Variants in PRR29 observed in about 807,000 individuals in gnomAD.
PRR29 encodes the protein proline-rich protein 29.
Under a neutral mutation model 25.1 loss-of-function variants are expected in PRR29, and 20 were observed. That is an observed-to-expected ratio of 0.80 (90% CI 0.56 to 1.16). The LOEUF is 1.16. Among genes scored for constraint, PRR29 ranks in the 50% most tolerant of loss-of-function variants. PRR29 has a pLI of 0.00. For synonymous variants in PRR29, 108 were observed against 102.6 expected (o/e 1.05, Z -0.32); for missense variants, 238 against 246.6 (o/e 0.97, Z 0.23).
At position 64,003,690 on chromosome 17, in the gene PRR29, G is replaced by A. The variant is rs1910979573; in HGVS notation, c.*1929G>A. On this transcript the variant is annotated 3_prime_UTR_variant, in exon 6 of 6. Coordinates refer to ENST00000412177, the MANE Select transcript of PRR29 (RefSeq NM_001164257.2). ...GGGCTGAGTGTTTGTGAAAGATGTT[G>A]CCACCGCGAGACATCAAGTCCAGCA... The A allele has an allele frequency of 4.3e-6, 7 of 1,614,160 alleles. No homozygotes were observed. Among genetic ancestry groups the A allele is most frequent in the Non-Finnish European group, 5.1e-6 (6 of 1,180,034 alleles).
At chr17:64,000,988 A>G (rs1407164183) in intron 3 of PRR29, 96 bp from the exon 4 acceptor site, 1 of 1,068,572 alleles carries the variant, frequency 9.4e-7, no homozygotes, top group Non-Finnish European at 1.4e-6. Context: ...TACAAAGCCT[A>G]TCTGGAGGAA....
At chr17:63,999,439 G>A (rs992638035) in intron 3 of PRR29, 4 of 305,430 alleles carry the variant, frequency 1.3e-5, no homozygotes, top group Admixed American at 4.8e-5. Context: ...TTTGTTGAAC[G>A]AGTGAATGAA....
In PRR29 at chr17:64,003,335, A is replaced by G. The variant is rs544093637; in HGVS notation, c.*1574A>G. ...GTCACCAAGCAGCAGAGCTCTGGGGACCTCAGTGGGGGCAGTCAGGCCAAA... is the reference window on the plus strand; with the variant it reads ...GTCACCAAGCAGCAGAGCTCTGGGGGCCTCAGTGGGGGCAGTCAGGCCAAA... On this transcript the variant is annotated 3_prime_UTR_variant, in exon 6 of 6. Transcript: ENST00000412177. 1.5e-5 allele frequency: 7 copies of G among 461,948 alleles called. No homozygotes were observed. Among genetic ancestry groups the G allele is most frequent in the African/African-American group, 9.8e-5 (5 of 51,116 alleles). The allele number at this position is 461,948 out of a possible 1,614,324, so 28.6% of individuals were successfully genotyped here.
At chr17:64,000,455 G>A (rs957664331) in intron 3 of PRR29, among the ~76,000 whole-genome samples, 6 of 151,832 alleles carry the variant, frequency 4.0e-5, no homozygotes, top group African/African-American at 1.2e-4. Flanking sequence ...CCAGCCTCCC[G>A]AGTAGCTGGG....
chr17:64,001,510 G>A lies in PRR29; in HGVS notation c.514G>A (p.Val172Met). 6.6e-7 allele frequency: 1 copy of A among 1,516,552 alleles called. No individual in the cohort carries two copies. The allele number at this position is 1,516,552 out of a possible 1,614,324, so 93.9% of individuals were successfully genotyped here. A position where few individuals can be genotyped will look rare whatever the true frequency, so the allele number is the denominator to read the frequency against. The stretch of plus-strand genomic sequence containing the variant: ...CCCACCCCCCAGTGCCACAGGGACT[G>A]TGGGTGCTGATGTACCCCCGGCTTC... ...PPPPPSATGT[V>M]GADVPPASDY... The change falls in exon 5 of 6, where the codon GTG (valine) becomes ATG (methionine). Residue 172 changes from valine to methionine, a missense_variant. By Grantham distance (21) the Val-to-Met change is conservative. Coordinates refer to ENST00000412177, the MANE Select transcript of PRR29 (RefSeq NM_001164257.2).
chr17:64,000,910 C>T (rs563992694), intron 3 of PRR29, 174 bp from the exon 4 acceptor site: 11 of 620,994 alleles, frequency 1.8e-5, no homozygotes, highest in African/African-American at 1.6e-4. Flanking sequence ...TTGTGATCCG[C>T]CCGCCTCGGC....
chr17:63,998,510 A>G, intron 1 of PRR29, 86 bp downstream of exon 1: 1 of 1,368,900 alleles, frequency 7.3e-7, no homozygotes, highest in Non-Finnish European at 9.7e-7. Flanking sequence ...CAGATCCTGG[A>G]GGGGTGGGGG....
rs1910833997 is a variant in PRR29, at chr17:64,002,397, C to A, written c.*636C>A. On this transcript the variant is annotated 3_prime_UTR_variant, in exon 6 of 6. Transcript: ENST00000412177. ...GGTGGGAACAGTGTGTCCTCTGCCCCCTGGGCCAGGGTGTGTTTCCCCCAC... is the reference window on the plus strand; with the variant it reads ...GGTGGGAACAGTGTGTCCTCTGCCCACTGGGCCAGGGTGTGTTTCCCCCAC... 5.0e-6 allele frequency: 2 copies of A among 401,494 alleles called. No individual in the cohort carries two copies. The highest frequency in any genetic ancestry group is 7.7e-5 in the Admixed American group (2 of 25,900). 24.9% of individuals were successfully genotyped at this position (401,494 alleles called of 1,614,324 possible). A position where few individuals can be genotyped will look rare whatever the true frequency, so the allele number is the denominator to read the frequency against.
rs1910364373 is a variant in PRR29, at chr17:63,999,016, T to G, written c.185T>G (p.Leu62Arg). ...CAGAACGCGCAGATGCACCAGCTGC[T>G]GCTGAGTCGCCTGGTGGCTGGAGCG... ...MLQNAQMHQL[L>R]LSRLVAGALQ... The change falls in exon 3 of 6, where the codon CTG (leucine) becomes CGG (arginine). Residue 62 changes from leucine to arginine, a missense_variant. Leu to Arg is a moderately radical substitution (Grantham distance 102). Coordinates refer to ENST00000412177, the MANE Select transcript of PRR29 (RefSeq NM_001164257.2). 6.5e-7 allele frequency: 1 copy of G among 1,536,020 alleles called. No individual in the cohort carries two copies. Among genetic ancestry groups the G allele is most frequent in the African/African-American group, 1.4e-5 (1 of 73,024 alleles).
chr17:64,002,090 T>C lies in PRR29; in HGVS notation c.*329T>C. On this transcript the variant is annotated 3_prime_UTR_variant, in exon 6 of 6. Coordinates refer to ENST00000412177, the MANE Select transcript of PRR29 (RefSeq NM_001164257.2). ...GAACAGAGCCCCCACCCTCTCTCCC[T>C]CACCCCTCTCTCTGGGATGATGAGG... 1.7e-6 allele frequency: 2 copies of C among 1,176,798 alleles called. No homozygotes were observed. Among genetic ancestry groups the C allele is most frequent in the Non-Finnish European group, 2.4e-6 (2 of 847,974 alleles). The allele number at this position is 1,176,798 out of a possible 1,614,324, so 72.9% of individuals were successfully genotyped here.
In PRR29 at chr17:64,002,302, G is replaced by GGGATGCTGC; in HGVS notation, c.*541_*542insGGATGCTGC. ...ACCCCTCATCCCAGGAAGCAGCTCTGTTGGCAGAAAGGAGAGGTCAGAGCT... is the reference window on the plus strand; with the variant it reads ...ACCCCTCATCCCAGGAAGCAGCTCTGGGATGCTGCTTGGCAGAAAGGAGAGGTCAGAGCT... On this transcript the variant is annotated 3_prime_UTR_variant, in exon 6 of 6. Transcript: ENST00000412177. 1 of 472,628 alleles carries GGGATGCTGC rather than the reference G, an allele frequency of 2.1e-6. No homozygotes were observed. Among genetic ancestry groups the GGGATGCTGC allele is most frequent in the South Asian group, 2.4e-5 (1 of 41,732 alleles). The allele number at this position is 472,628 out of a possible 1,614,324, so 29.3% of individuals were successfully genotyped here. A position where few individuals can be genotyped will look rare whatever the true frequency, so the allele number is the denominator to read the frequency against.
Position 64,003,558 on chromosome 17 carries a change from TC to T in PRR29, c.*1800del. ...AAGGGTGGGCTCCTGGGTGTTTGCT[TC>T]CCAAGTGGGACTCAAGATTTTTCTT... is the stretch of plus-strand genomic sequence containing the variant. On this transcript the variant is annotated 3_prime_UTR_variant, in exon 6 of 6. Transcript: ENST00000412177. 1.6e-6 allele frequency: 2 copies of T among 1,275,894 alleles called. No individual in the cohort carries two copies. Among genetic ancestry groups the T allele is most frequent in the Non-Finnish European group, 2.2e-6 (2 of 899,656 alleles). The allele number at this position is 1,275,894 out of a possible 1,614,324, so 79.0% of individuals were successfully genotyped here.
intron 1 of PRR29, 104 bp from the exon 2 acceptor site, chr17:63,998,602 GC>G: frequency 9.7e-7 from 1 of 1,034,750 alleles, no homozygotes; most frequent in Non-Finnish European, 1.4e-6. Context: ...AGAGAACCTG[GC>G]CCCTGCGGGG....
At chr17:64,000,996 G>A (rs1027849775) in intron 3 of PRR29, 88 bp from the exon 4 acceptor site, 18 of 1,143,042 alleles carry the variant, frequency 1.6e-5, no homozygotes, top group Non-Finnish European at 2.3e-5. Context: ...CTATCTGGAG[G>A]AAATAACTTA....
rs780672587 is a variant in PRR29 at position 64,003,601 on chromosome 17, A to G, written c.*1840A>G. ...ATTTTTCTTCCCCCGAGGGGCTGAA[A>G]GTGACTTATCACTCCCAACTCCATC... On this transcript the variant is annotated 3_prime_UTR_variant, in exon 6 of 6. Coordinates refer to ENST00000412177, the MANE Select transcript of PRR29 (RefSeq NM_001164257.2). 6.4e-7 allele frequency: 1 copy of G among 1,566,566 alleles called. No homozygotes were observed.
chr17:64,002,615 C>A lies in PRR29; in HGVS notation c.*854C>A. The A allele has an allele frequency of 1.3e-6, 1 of 781,214 alleles. No individual in the cohort carries two copies. Among genetic ancestry groups the A allele is most frequent in the Non-Finnish European group, 2.0e-6 (1 of 493,492 alleles). 48.4% of individuals were successfully genotyped at this position (781,214 alleles called of 1,614,324 possible). ...AGGGCTAAGTCCAGGTGTTTGTATTCGGGCTAGAAAAGGCAATGTCCCAAG... is the reference window on the plus strand; with the variant it reads ...AGGGCTAAGTCCAGGTGTTTGTATTAGGGCTAGAAAAGGCAATGTCCCAAG... On this transcript the variant is annotated 3_prime_UTR_variant, in exon 6 of 6. Transcript: ENST00000412177.
chr17:64,003,421 G>T lies in PRR29; in HGVS notation c.*1660G>T, dbSNP rs1910946842. 1 of 573,868 alleles carries T rather than the reference G, an allele frequency of 1.7e-6. No homozygotes were observed. Among genetic ancestry groups the T allele is most frequent in the Non-Finnish European group, 3.1e-6 (1 of 321,986 alleles). The allele number at this position is 573,868 out of a possible 1,614,324, so 35.5% of individuals were successfully genotyped here. On this transcript the variant is annotated 3_prime_UTR_variant, in exon 6 of 6. Transcript: ENST00000412177. Reference sequence around the variant, plus strand: ...GCCGTCAAGGTCATGGGGCTTGATGGTGGCCGAGGAACTAGTTGACCTCTC... The same window carrying T: ...GCCGTCAAGGTCATGGGGCTTGATGTTGGCCGAGGAACTAGTTGACCTCTC...
rs1312066532 is a variant in PRR29 at position 63,998,762 on chromosome 17, A to G, written c.116A>G (p.Gln39Arg). 2 of 1,501,022 alleles carry G rather than the reference A, an allele frequency of 1.3e-6. No individual in the cohort carries two copies. The highest frequency in any genetic ancestry group is 1.2e-5 in the South Asian group (1 of 82,738). The allele number at this position is 1,501,022 out of a possible 1,614,324, so 93.0% of individuals were successfully genotyped here. ...TGGGCCGTCCCACCTGCGCCCCCGC[A>G]GCCAGGCCGCGTGAAGGAAGGTGAG... ...LSWAVPPAPPQPGRVKEDLLE... is the reference protein window; with the variant it reads ...LSWAVPPAPPRPGRVKEDLLE... Residue 39 changes from glutamine (Q) to arginine (R), a missense_variant, in exon 2 of 6, where the codon CAG becomes CGG. By Grantham distance (43) the Gln-to-Arg change is conservative. Transcript: ENST00000412177.
At chr17:63,998,848 A>C (rs1567838511) in intron 2 of PRR29, 66 bp downstream of exon 2, 2 of 831,680 alleles carry the variant, frequency 2.4e-6, no homozygotes, top group Non-Finnish European at 3.4e-6. Context: ...TCTGCCTCGC[A>C]CATCCTCTGG....
Sources: gnomAD v4.1 joint callset for allele counts (sites outside exome capture counted in the v4.1 genomes callset) on GRCh38, gnomAD v4.1.1 for gene constraint, MANE v1.5 for transcripts, NCBI Gene and HGNC (gene_info 2026-07-23, HGNC 2026-07-21) for gene names.